NINJ2: variants seen among roughly 807,000 people sequenced by gnomAD.
The protein encoded by NINJ2 is ninjurin 2, also known as ninjurin-2.
NINJ2 carries 12 observed loss-of-function variants against 11.7 expected under a neutral mutation model. That is an observed-to-expected ratio of 1.02 (90% CI 0.66 to 1.66). The LOEUF is 1.66. NINJ2 is among the 40% of genes most tolerant of loss of function. The probability of loss-of-function intolerance (pLI) is 0.00; values close to 1 mark genes in which losing one functional copy is unlikely to be tolerated. For synonymous variants in NINJ2, 93 were observed against 76.8 expected (o/e 1.21, Z -1.10); for missense variants, 187 against 181.8 (o/e 1.03, Z -0.16).
intron 1 of NINJ2, chr12:642,813 G>C (rs1948438040): frequency 6.6e-6 from 1 of 151,764 alleles, no homozygotes; most frequent in Non-Finnish European, 1.5e-5. Flanking sequence ...GCCGGGCCCC[G>C]AGCGCGCCGC....
In NINJ2 at chr12:659,248, G is replaced by A. The variant is rs1014412367; in HGVS notation, c.33+4080C>T. On this transcript the variant is annotated intron_variant, in intron 1 of 3. Transcript: ENST00000305108. Reference sequence around the variant, plus strand: ...CCTGAGCTATACTGAATTTGCATTCGGTTTGGACAAGTCTTAGTTCCTCTT... The same window carrying A: ...CCTGAGCTATACTGAATTTGCATTCAGTTTGGACAAGTCTTAGTTCCTCTT... 2.0e-5 allele frequency among the ~76,000 whole-genome samples: 3 copies of A among 151,786 alleles called. No individual in the cohort carries two copies. In the East Asian group the frequency reaches 5.8e-4, roughly 29 times the overall value.
At position 634,265 on chromosome 12, in the gene NINJ2, C is replaced by CTTTTTTTTTTTTTTTT. The variant is rs67797144; in HGVS notation, c.33+29047_33+29062dup. Reference sequence around the variant, plus strand: ...AAATAAATGTTGATTAGTTGCAGTTCTTTTTTTTTTTTTTTTTTTTTTTTT... The same window carrying CTTTTTTTTTTTTTTTT: ...AAATAAATGTTGATTAGTTGCAGTTCTTTTTTTTTTTTTTTTTTTTTTTTTTTTTTTTTTTTTTTTT... On this transcript the variant is annotated intron_variant, in intron 1 of 3. Coordinates refer to ENST00000305108, the MANE Select transcript of NINJ2 (RefSeq NM_016533.6). Among the ~76,000 whole-genome samples, 551 of 59,526 alleles carry CTTTTTTTTTTTTTTTT rather than the reference C, an allele frequency of 9.3e-3. 105 individuals carry two copies. The highest frequency in any genetic ancestry group is 0.022 in the South Asian group (20 of 930). 39.1% of individuals were successfully genotyped at this position (59,526 alleles called of 152,430 possible).
chr12:634,511 G>A (rs963971708), intron 1 of NINJ2, among the ~76,000 whole-genome samples: 4 of 151,822 alleles, frequency 2.6e-5, no homozygotes, highest in African/African-American at 9.7e-5. Context: ...CGCCTGCTTC[G>A]GCCTCCTAAA....
intron 2 of NINJ2, 172 bp downstream of exon 2, chr12:565,778 C>A: frequency 1.4e-6 from 1 of 695,416 alleles, no homozygotes; most frequent in South Asian, 1.6e-5. Context: ...CGCCTGCCCT[C>A]GCGGGGTGGA....
intron 1 of NINJ2, among the ~76,000 whole-genome samples, chr12:606,166 C>A (rs1024072821): frequency 6.6e-6 from 1 of 151,998 alleles, no homozygotes; most frequent in South Asian, 2.1e-4. Context: ...GCCACCTTGC[C>A]CAGCCAATAT....
At chr12:610,254 C>A (rs1162522267) in intron 1 of NINJ2, 2 of 1,062,750 alleles carry the variant, frequency 1.9e-6, no homozygotes, top group Non-Finnish European at 1.4e-6. Flanking sequence ...AGTGAAACAG[C>A]CCCTCTGGCA....
chr12:589,830 G>T (rs1237790232), intron 1 of NINJ2, among the ~76,000 whole-genome samples: 1 of 151,142 alleles, frequency 6.6e-6, no homozygotes, highest in Non-Finnish European at 1.5e-5. Context: ...GGAAACAGTT[G>T]GTAAATTTAG....
chr12:598,725 G>A (rs1199144206), intron 1 of NINJ2, among the ~76,000 whole-genome samples: 1 of 151,820 alleles, frequency 6.6e-6, no homozygotes, highest in Non-Finnish European at 1.5e-5. Flanking sequence ...TTTGAGACAG[G>A]ATCTTTCTTT....
At chr12:651,153 T>C (rs1937779984) in intron 1 of NINJ2, among the ~76,000 whole-genome samples, 1 of 151,828 alleles carries the variant, frequency 6.6e-6, no homozygotes, top group East Asian at 1.9e-4. Context: ...CTGCCCAAGT[T>C]CTATAGTAAA....
At position 581,571 on chromosome 12, in the gene NINJ2, G is replaced by T. The variant is rs1947556371; in HGVS notation, c.34-15393C>A. Among the ~76,000 whole-genome samples, 1 of 152,138 alleles carries T rather than the reference G, an allele frequency of 6.6e-6. No homozygotes were observed. Among genetic ancestry groups the T allele is most frequent in the Non-Finnish European group, 1.5e-5 (1 of 68,028 alleles). On this transcript the variant is annotated intron_variant, in intron 1 of 3. Coordinates refer to ENST00000305108, the MANE Select transcript of NINJ2 (RefSeq NM_016533.6). This position sits in a 1 kb window ranked among gnomAD's most constrained non-coding sequence, Gnocchi z 4.9. ...TGTCCTTCCTCAGGATTCGAAATGG[G>T]GCCAGTCACACATTCTCCCAGCCCT...
intron 1 of NINJ2, chr12:586,419 T>G (rs1220337994): frequency 2.0e-5 from 3 of 152,276 alleles, no homozygotes; most frequent in Non-Finnish European, 2.9e-5. Context: ...TCTGGTGGCC[T>G]GCCACTCTCA....
chr12:570,986 G>A (rs2120794961), intron 1 of NINJ2, among the ~76,000 whole-genome samples: 1 of 152,264 alleles, frequency 6.6e-6, no homozygotes, highest in African/African-American at 2.4e-5. Flanking sequence ...GAATCCAAGC[G>A]GTTCCCATTT....
chr12:643,709 A>T, intron 1 of NINJ2: 1 of 986,794 alleles, frequency 1.0e-6, no homozygotes, highest in Non-Finnish European at 1.2e-6. Context: ...GTCTGCCATC[A>T]GCCAAGAGGT....
intron 1 of NINJ2, 95 bp from the exon 2 acceptor site, chr12:566,273 A>G: frequency 9.8e-7 from 1 of 1,019,234 alleles, no homozygotes; most frequent in East Asian, 2.6e-5. Flanking sequence ...AGCTCTTTCC[A>G]ATCCAGATGG....
rs1473534947 is a variant in NINJ2 at position 614,115 on chromosome 12, A to G, written c.34-47937T>C. ...AGCAGCTTGTCCATAGCACGTGGCT[A>G]GTAAGAACAGTCTCTTACACGATGT... On this transcript the variant is annotated intron_variant, in intron 1 of 3. Transcript: ENST00000305108. The surrounding 1 kb of genome is among the most constrained non-coding windows in gnomAD (Gnocchi z 5.1). 2.0e-5 allele frequency among the ~76,000 whole-genome samples: 3 copies of G among 152,184 alleles called. No individual in the cohort carries two copies. The East Asian group carries it at 5.8e-4, about 29-fold the overall frequency.
chr12:612,617 C>T (rs1592097661), intron 1 of NINJ2, among the ~76,000 whole-genome samples: 3 of 152,108 alleles, frequency 2.0e-5, no homozygotes, highest in Admixed American at 1.3e-4. Context: ...TGGTAGGGCT[C>T]GAGGTTCTGG....
At chr12:661,386 T>C (rs562702799) in intron 1 of NINJ2, among the ~76,000 whole-genome samples, 2 of 152,262 alleles carry the variant, frequency 1.3e-5, no homozygotes, top group East Asian at 3.9e-4. Context: ...CAGCCAAAGG[T>C]GGACAATAAA....
intron 1 of NINJ2, chr12:610,303 A>C: frequency 6.8e-7 from 1 of 1,467,582 alleles, no homozygotes; most frequent in South Asian, 1.2e-5. Flanking sequence ...CCCAGCACCC[A>C]GTGCTGAGCT....
intron 1 of NINJ2, among the ~76,000 whole-genome samples, chr12:584,974 C>T (rs1050733004): frequency 1.3e-5 from 2 of 152,022 alleles, no homozygotes; most frequent in African/African-American, 4.8e-5. Context: ...AGAAAATTAG[C>T]TGGGCGTGGT....
Sources: allele counts gnomAD v4.1 joint callset (sites outside exome capture counted in the v4.1 genomes callset), GRCh38; gene constraint gnomAD v4.1.1; non-coding constraint Gnocchi (gnomAD v3.1); transcripts MANE v1.5; gene names NCBI Gene and HGNC (gene_info 2026-07-23, HGNC 2026-07-21).